Variants in PIK3CB observed in about 807,000 individuals in gnomAD.
PIK3CB encodes the protein phosphatidylinositol-4,5-bisphosphate 3-kinase catalytic subunit beta.
A neutral mutation model predicts 136.8 loss-of-function variants in PIK3CB; 39 were observed. The observed-to-expected ratio is 0.29, with a 90% CI of 0.22 to 0.37. The LOEUF (loss-of-function observed/expected upper bound fraction) is 0.37, where lower values mean the gene tolerates loss of function less well. Among genes scored for constraint, PIK3CB ranks in the 10% least tolerant of loss-of-function variants. PIK3CB has a pLI of 1.00. For missense variants in PIK3CB, 868 were observed against 1,275.4 expected, an observed-to-expected ratio of 0.68 and a Z score of 4.87; for synonymous variants, 428 against 436.6, an observed-to-expected ratio of 0.98 and a Z score of 0.25.
At chr3:138,807,210 A>C (rs939612073) in intron 1 of PIK3CB, among the ~76,000 whole-genome samples, 5 of 152,016 alleles carry the variant, frequency 3.3e-5, no homozygotes, top group African/African-American at 1.2e-4. Flanking sequence ...CAGGCAGGAG[A>C]ATTGCTTGAA....
At chr3:138,810,484 C>T (rs1050330645) in intron 1 of PIK3CB, among the ~76,000 whole-genome samples, 34 of 151,866 alleles carry the variant, frequency 2.2e-4, no homozygotes, top group Non-Finnish European at 7.4e-5. Context: ...AAAAATGGCA[C>T]TTTACTTCCG....
intron 4 of PIK3CB, among the ~76,000 whole-genome samples, chr3:138,752,402 T>C (rs1376191690): frequency 6.6e-6 from 1 of 152,254 alleles, no homozygotes; most frequent in African/African-American, 2.4e-5. Flanking sequence ...CATCAAGCCA[T>C]GGTCATCACA....
At chr3:138,683,652 T>C (rs755319385) in intron 18 of PIK3CB, 26 bp downstream of exon 18, 18 of 1,145,214 alleles carry the variant, frequency 1.6e-5, no homozygotes, top group South Asian at 6.2e-5. Flanking sequence ...TCTAAGAAAT[T>C]TGATGTTAAA....
intron 1 of PIK3CB, among the ~76,000 whole-genome samples, chr3:138,809,226 C>T (rs1372404745): frequency 6.6e-6 from 1 of 151,494 alleles, no homozygotes. Context: ...TGCAGTGAAC[C>T]GAGACTGCGC....
At chr3:138,784,319 T>C (rs1378606865) in intron 2 of PIK3CB, among the ~76,000 whole-genome samples, 2 of 151,900 alleles carry the variant, frequency 1.3e-5, no homozygotes, top group Non-Finnish European at 1.5e-5. Flanking sequence ...GAAGCAGAGG[T>C]TGCAATGAGC....
rs2045770028 is a variant in PIK3CB at position 138,769,158 on chromosome 3, G to T, written c.-16-9799C>A. On this transcript the variant is annotated intron_variant, in intron 2 of 23. Transcript: ENST00000674063. ...TCCCGCCAGCTCCACAGAGCATGCA[G>T]CCCCGGCCACACCTCCTTGCTGCAG... Among the ~76,000 whole-genome samples the T allele has an allele frequency of 3.3e-5, 5 of 152,280 alleles. No homozygotes were observed. The South Asian group carries it at 1.0e-3, about 32-fold the overall frequency.
chr3:138,745,860 C>A (rs1236051120), intron 4 of PIK3CB, among the ~76,000 whole-genome samples: 1 of 152,164 alleles, frequency 6.6e-6, no homozygotes, highest in East Asian at 1.9e-4. Flanking sequence ...AGTTAGCCTT[C>A]CTGTCTTAAA....
At chr3:138,669,407 C>CAAA (rs10605665) in intron 19 of PIK3CB, among the ~76,000 whole-genome samples, 5 of 81,444 alleles carry the variant, frequency 6.1e-5, no homozygotes, top group Admixed American at 1.3e-4. Context: ...GACCCTGTTT[C>CAAA]AAAAAAAAAA....
At chr3:138,666,313 G>A (rs561266619) in intron 19 of PIK3CB, among the ~76,000 whole-genome samples, 1 of 152,194 alleles carries the variant, frequency 6.6e-6, no homozygotes, top group South Asian at 2.1e-4. Context: ...TGGGACTACA[G>A]GTGAGTGCCA....
At chr3:138,710,292 G>A (rs2044470404) in intron 10 of PIK3CB, among the ~76,000 whole-genome samples, 1 of 151,550 alleles carries the variant, frequency 6.6e-6, no homozygotes, top group African/African-American at 2.4e-5. Context: ...GGAGAGGATA[G>A]GAATAGAAGG....
At chr3:138,782,228 G>A (rs2045930848) in intron 2 of PIK3CB, among the ~76,000 whole-genome samples, 2 of 152,230 alleles carry the variant, frequency 1.3e-5, no homozygotes, top group South Asian at 2.1e-4. Context: ...ATAAGGCCAT[G>A]ATGCAGTTTG....
At chr3:138,808,902 G>A (rs2108863013) in intron 1 of PIK3CB, among the ~76,000 whole-genome samples, 1 of 152,062 alleles carries the variant, frequency 6.6e-6, no homozygotes, top group African/African-American at 2.4e-5. Flanking sequence ...GGAAAATCTA[G>A]TTGATCTTCA....
chr3:138,825,276 T>C, intron 1 of PIK3CB: 2 of 425,198 alleles, frequency 4.7e-6, no homozygotes, highest in Admixed American at 3.1e-5. Context: ...TCAGGCTGAC[T>C]GTGCTGTTCT....
chr3:138,660,313 T>C (rs2043273048), intron 21 of PIK3CB, among the ~76,000 whole-genome samples: 1 of 152,202 alleles, frequency 6.6e-6, no homozygotes, highest in South Asian at 2.1e-4. Context: ...TTTTTGTTTG[T>C]TCCTATTTCT....
Position 138,755,815 on chromosome 3 carries a change from C to T in PIK3CB, c.336G>A (p.Val112=), listed in dbSNP as rs200365740. The T allele has an allele frequency of 1.2e-6, 2 of 1,613,100 alleles. No homozygotes were observed. Among genetic ancestry groups the T allele is most frequent in the Admixed American group, 1.7e-5 (1 of 59,968 alleles). ...TTTCCCCTGGGTCACAACTTCTTGT[C>T]ACTAATTTGAGAACTGGAAGAAAAG... ...VRPFLPVLKL[V]TRSCDPGEKL... Residue 112 remains valine, a synonymous_variant, in exon 4 of 24, where the codon GTG becomes GTA. Coordinates refer to ENST00000674063, the MANE Select transcript of PIK3CB (RefSeq NM_006219.3).
chr3:138,791,395 C>T (rs1309970458), intron 2 of PIK3CB, among the ~76,000 whole-genome samples: 1 of 152,096 alleles, frequency 6.6e-6, no homozygotes, highest in Non-Finnish European at 1.5e-5. Flanking sequence ...TCAGCCTCCC[C>T]AACTGTTGGG....
chr3:138,786,066 G>A (rs2045979084), intron 2 of PIK3CB, among the ~76,000 whole-genome samples: 4 of 151,950 alleles, frequency 2.6e-5, no homozygotes, highest in Admixed American at 2.6e-4. Context: ...CACATTTACT[G>A]GAGTATATGA....
intron 2 of PIK3CB, among the ~76,000 whole-genome samples, chr3:138,761,580 G>A (rs2045662199): frequency 6.6e-6 from 1 of 152,122 alleles, no homozygotes; most frequent in African/African-American, 2.4e-5. Flanking sequence ...GGCCAGCCTG[G>A]CCAATATGGT....
At chr3:138,700,387 C>T (rs749924258) in intron 12 of PIK3CB, among the ~76,000 whole-genome samples, 34 of 151,954 alleles carry the variant, frequency 2.2e-4, no homozygotes, top group African/African-American at 4.8e-4. Context: ...GTGTGGAATA[C>T]GCTGTTGTAT....
Sources: allele counts gnomAD v4.1 joint callset (sites outside exome capture counted in the v4.1 genomes callset), GRCh38; gene constraint gnomAD v4.1.1; transcripts MANE v1.5; gene names NCBI Gene and HGNC (gene_info 2026-07-23, HGNC 2026-07-21).